RNF150: variants seen among roughly 807,000 people sequenced by gnomAD.
RNF150 encodes ring finger protein 150.
In RNF150, 24 loss-of-function variants were observed where a neutral mutation model predicts 39.3. That is an observed-to-expected ratio of 0.61 (90% CI 0.44 to 0.86). RNF150 has a LOEUF of 0.86. Ranked by LOEUF, RNF150 falls within the 40% of genes least tolerant of loss-of-function variation. The probability of loss-of-function intolerance (pLI) is 0.00; values close to 1 mark genes in which losing one functional copy is unlikely to be tolerated. For synonymous variants in RNF150, 255 were observed against 227.3 expected (o/e 1.12, Z -1.10); for missense variants, 502 against 587.8 (o/e 0.85, Z 1.51).
chr4:141,087,377 T>G (rs1738406992), intron 1 of RNF150, among the ~76,000 whole-genome samples: 1 of 152,166 alleles, frequency 6.6e-6, no homozygotes, highest in Non-Finnish European at 1.5e-5. Flanking sequence ...CATGTGCATA[T>G]TTTTCTACTA....
intron 1 of RNF150, among the ~76,000 whole-genome samples, chr4:141,035,853 TC>T (rs1736121346): frequency 6.6e-6 from 1 of 152,210 alleles, no homozygotes; most frequent in African/African-American, 2.4e-5. Flanking sequence ...TAAAACACCA[TC>T]CTAAACACTG....
intron 1 of RNF150, among the ~76,000 whole-genome samples, chr4:141,016,637 A>G (rs1035272448): frequency 6.6e-6 from 1 of 152,198 alleles, no homozygotes; most frequent in South Asian, 2.1e-4. Context: ...GCCCTGTATC[A>G]AAAACATAAC....
rs943347169 is a variant in RNF150, at chr4:141,003,555, T to A, written c.485-35682A>T. Among the ~76,000 whole-genome samples the A allele has an allele frequency of 5.5e-5, 7 of 126,568 alleles. No homozygotes were observed. The South Asian group carries it at 1.1e-3, about 19-fold the overall frequency. 83.0% of individuals were successfully genotyped at this position (126,568 alleles called of 152,430 possible). ...ATTCCAATTCTCAACATTCACCCAA[T>A]CCCTAGCACGTACACACACACACAC... is the stretch of plus-strand genomic sequence containing the variant. On this transcript the variant is annotated intron_variant, in intron 1 of 6. Coordinates refer to ENST00000515673, the MANE Select transcript of RNF150 (RefSeq NM_020724.2).
At chr4:140,893,778 T>G (rs959344858) in intron 6 of RNF150, among the ~76,000 whole-genome samples, 6 of 152,162 alleles carry the variant, frequency 3.9e-5, no homozygotes, top group African/African-American at 1.2e-4. Flanking sequence ...CGTTTAGAGT[T>G]GGATTATCAT....
rs1188359957 is a variant in RNF150 at position 140,899,923 on chromosome 4, T to C, written c.1198+11221A>G. Among the ~76,000 whole-genome samples, 6 of 150,370 alleles carry C rather than the reference T, an allele frequency of 4.0e-5. No individual in the cohort carries two copies. In the East Asian group the frequency reaches 1.2e-3, roughly 31 times the overall value. On this transcript the variant is annotated intron_variant, in intron 6 of 6. Transcript: ENST00000515673. ...TATTTCTGTATTTTAAAAGGTATCC[T>C]AGTAGGTTCTCTCTCTCACTTTCTC...
At chr4:141,095,430 A>C (rs1004482564) in intron 1 of RNF150, among the ~76,000 whole-genome samples, 1 of 152,240 alleles carries the variant, frequency 6.6e-6, no homozygotes, top group African/African-American at 2.4e-5. Flanking sequence ...AAAACAACAA[A>C]AAAAAAGAAC....
chr4:141,052,593 C>G, intron 1 of RNF150, among the ~76,000 whole-genome samples: 1 of 152,126 alleles, frequency 6.6e-6, no homozygotes, highest in East Asian at 1.9e-4. Flanking sequence ...CCAGGCTGGT[C>G]TTGGACTCCT....
At chr4:141,048,162 G>C (rs924342194) in intron 1 of RNF150, among the ~76,000 whole-genome samples, 3 of 152,154 alleles carry the variant, frequency 2.0e-5, no homozygotes, top group Non-Finnish European at 4.4e-5. Context: ...ATATTCCATG[G>C]AAAACAAAGT....
chr4:140,951,543 T>C (rs1204091800), intron 2 of RNF150, among the ~76,000 whole-genome samples: 1 of 87,996 alleles, frequency 1.1e-5, no homozygotes, highest in African/African-American at 4.6e-5. Context: ...TTTTTTGTTG[T>C]TGTTGTTGTT....
chr4:140,969,064 T>C (rs953404308), intron 1 of RNF150, among the ~76,000 whole-genome samples: 2 of 152,050 alleles, frequency 1.3e-5, no homozygotes, highest in African/African-American at 4.8e-5. Context: ...TACAGCTGCT[T>C]AACGCTGGCT....
chr4:141,202,501 A>C (rs1304818134), intron 1 of RNF150, among the ~76,000 whole-genome samples: 1 of 152,138 alleles, frequency 6.6e-6, no homozygotes, highest in African/African-American at 2.4e-5. Context: ...TGTGAGTTTA[A>C]AGTAAGACCT....
At chr4:141,007,416 C>A (rs1363383292) in intron 1 of RNF150, among the ~76,000 whole-genome samples, 1 of 152,148 alleles carries the variant, frequency 6.6e-6, no homozygotes, top group African/African-American at 2.4e-5. Flanking sequence ...TTTTCTGAAA[C>A]TCATCTTCTT....
chr4:141,084,303 T>C (rs1738268286), intron 1 of RNF150, among the ~76,000 whole-genome samples: 1 of 152,218 alleles, frequency 6.6e-6, no homozygotes, highest in Non-Finnish European at 1.5e-5. Context: ...AAGCTATATA[T>C]TCTGAAAGAT....
At chr4:140,966,628 A>C (rs957857883) in intron 2 of RNF150, among the ~76,000 whole-genome samples, 15 of 152,158 alleles carry the variant, frequency 9.9e-5, no homozygotes, top group African/African-American at 3.6e-4. Flanking sequence ...AATAAGAAAA[A>C]TGTGGTACCA....
intron 6 of RNF150, among the ~76,000 whole-genome samples, chr4:140,898,404 C>T (rs2111244076): frequency 6.6e-6 from 1 of 152,058 alleles, no homozygotes; most frequent in East Asian, 1.9e-4. Context: ...TGGCTAACTA[C>T]TATTACATAA....
At chr4:140,930,021 C>T (rs552767304) in intron 4 of RNF150, among the ~76,000 whole-genome samples, 38 of 152,176 alleles carry the variant, frequency 2.5e-4, no homozygotes, top group African/African-American at 7.9e-4. Flanking sequence ...ACTAGCTGGG[C>T]GTGGTGTTGT....
At chr4:140,978,466 T>C (rs2111450925) in intron 1 of RNF150, among the ~76,000 whole-genome samples, 1 of 152,324 alleles carries the variant, frequency 6.6e-6, no homozygotes, top group South Asian at 2.1e-4. Flanking sequence ...CAATGACTCA[T>C]ACTTTTTTGA....
intron 6 of RNF150, among the ~76,000 whole-genome samples, chr4:140,884,141 T>C (rs991473618): frequency 1.3e-5 from 2 of 152,194 alleles, no homozygotes; most frequent in African/African-American, 4.8e-5. Flanking sequence ...TTCTTCTTCA[T>C]AGTTTTTCTT....
chr4:140,981,656 T>C (rs1196351035), intron 1 of RNF150, among the ~76,000 whole-genome samples: 1 of 152,184 alleles, frequency 6.6e-6, no homozygotes, highest in Admixed American at 6.5e-5. Flanking sequence ...ACTAGGTGCC[T>C]GTATCAGCTG....
Sources: gnomAD v4.1 joint callset for allele counts (sites outside exome capture counted in the v4.1 genomes callset) on GRCh38, gnomAD v4.1.1 for gene constraint, MANE v1.5 for transcripts, NCBI Gene and HGNC (gene_info 2026-07-23, HGNC 2026-07-21) for gene names.